Variants in RYR2 observed in about 807,000 individuals in gnomAD.
RYR2 encodes the protein cardiac muscle ryanodine receptor-calcium release channel.
In RYR2, 227 loss-of-function variants were observed where a neutral mutation model predicts 601.1. The observed-to-expected ratio is 0.38, with a 90% confidence interval of 0.34 to 0.42. RYR2 has a LOEUF of 0.42. RYR2 is among the 10% of genes least tolerant of loss of function. RYR2 has a pLI of 1.00. For missense variants in RYR2, 4,646 were observed against 6,156.5 expected (o/e 0.75, Z 8.21); for synonymous variants, 2,223 against 2,175.1 (o/e 1.02, Z -0.61).
chr1:237,273,180 G>C (rs1229159654), intron 2 of RYR2, among the ~76,000 whole-genome samples: 1 of 151,952 alleles, frequency 6.6e-6, no homozygotes, highest in East Asian at 1.9e-4. Context: ...ATATCTGGGG[G>C]TGACAGTGAC....
chr1:237,359,807 G>A (rs1699621802), intron 4 of RYR2, among the ~76,000 whole-genome samples: 1 of 152,138 alleles, frequency 6.6e-6, no homozygotes, highest in African/African-American at 2.4e-5. Flanking sequence ...AAACTCCTGA[G>A]TACTGGATAA....
At chr1:237,379,372 C>A (rs1209210443) in intron 8 of RYR2, among the ~76,000 whole-genome samples, 1 of 152,200 alleles carries the variant, frequency 6.6e-6, no homozygotes, top group Non-Finnish European at 1.5e-5. Flanking sequence ...CTGAGAAAGT[C>A]ATCTAATTCT....
At chr1:237,320,854 A>G (rs1695557880) in intron 2 of RYR2, among the ~76,000 whole-genome samples, 1 of 152,206 alleles carries the variant, frequency 6.6e-6, no homozygotes, top group African/African-American at 2.4e-5. Flanking sequence ...TGAGGCTACC[A>G]GCTTCTAAAA....
intron 14 of RYR2, among the ~76,000 whole-genome samples, chr1:237,451,122 G>A (rs1295765450): frequency 2.0e-5 from 3 of 152,156 alleles, no homozygotes; most frequent in East Asian, 1.9e-4. Context: ...GGCTGGGCAC[G>A]GTAGTGACTC....
At chr1:237,423,746 T>G (rs1705827725) in intron 12 of RYR2, among the ~76,000 whole-genome samples, 2 of 152,172 alleles carry the variant, frequency 1.3e-5, no homozygotes, top group South Asian at 2.1e-4. Flanking sequence ...AAAGATACAT[T>G]TATACATCCA....
chr1:237,729,710 G>T (rs115940546), intron 76 of RYR2, among the ~76,000 whole-genome samples: 2 of 152,000 alleles, frequency 1.3e-5, no homozygotes, highest in East Asian at 3.9e-4. Context: ...TTTCACAGGC[G>T]GCCATTTATG....
At chr1:237,179,646 G>A (rs758652265) in intron 1 of RYR2, among the ~76,000 whole-genome samples, 1 of 152,098 alleles carries the variant, frequency 6.6e-6, no homozygotes, top group Non-Finnish European at 1.5e-5. Flanking sequence ...GCTACATACC[G>A]TCTCTCTGTA....
chr1:237,418,531 A>G (rs1349580982), intron 11 of RYR2, among the ~76,000 whole-genome samples: 1 of 152,224 alleles, frequency 6.6e-6, no homozygotes, highest in East Asian at 1.9e-4. Flanking sequence ...GATGCATAGA[A>G]TATAACTTCC....
chr1:237,646,306 A>G (rs1307160711), intron 48 of RYR2, among the ~76,000 whole-genome samples: 1 of 151,646 alleles, frequency 6.6e-6, no homozygotes, highest in Non-Finnish European at 1.5e-5. Context: ...GTGCCACTGC[A>G]CTCCAGCTTG....
intron 1 of RYR2, among the ~76,000 whole-genome samples, chr1:237,212,693 G>A (rs1558434785): frequency 6.6e-6 from 1 of 152,132 alleles, no homozygotes; most frequent in Non-Finnish European, 1.5e-5. Flanking sequence ...TGCCAAAAAA[G>A]TAATAATACT....
intron 1 of RYR2, among the ~76,000 whole-genome samples, chr1:237,226,226 G>T (rs1462925890): frequency 6.6e-6 from 1 of 152,080 alleles, no homozygotes; most frequent in Non-Finnish European, 1.5e-5. Flanking sequence ...AAATATAGTT[G>T]GATTCCTCTC....
chr1:237,080,771 C>T (rs1375492252), intron 1 of RYR2, among the ~76,000 whole-genome samples: 16 of 93,764 alleles, frequency 1.7e-4, no homozygotes, highest in African/African-American at 5.8e-4. Flanking sequence ...CCAGCCATCC[C>T]ATTACTGGGT....
chr1:237,742,855 C>A (rs1288197780), intron 80 of RYR2, among the ~76,000 whole-genome samples: 1 of 152,182 alleles, frequency 6.6e-6, no homozygotes, highest in Non-Finnish European at 1.5e-5. Context: ...TCCATATATC[C>A]CTAGGACTGT....
At chr1:237,412,106 C>CT (rs1051893135) in intron 10 of RYR2, among the ~76,000 whole-genome samples, 2 of 152,062 alleles carry the variant, frequency 1.3e-5, no homozygotes, top group Non-Finnish European at 2.9e-5. Flanking sequence ...TAAAGATGAG[C>CT]TATCCTAGCT....
At chr1:237,613,152 C>T (rs1205775372) in intron 36 of RYR2, among the ~76,000 whole-genome samples, 1 of 152,114 alleles carries the variant, frequency 6.6e-6, no homozygotes, top group African/African-American at 2.4e-5. Flanking sequence ...ATCTGATGCC[C>T]CAATAACATG....
At chr1:237,776,117 C>T (rs910813942) in intron 87 of RYR2, among the ~76,000 whole-genome samples, 2 of 152,038 alleles carry the variant, frequency 1.3e-5, no homozygotes, top group African/African-American at 4.8e-5. Context: ...GTTTATTTTC[C>T]TAAAAATGGC....
At chr1:237,690,258 G>A (rs750575394) in intron 63 of RYR2, among the ~76,000 whole-genome samples, 11 of 152,164 alleles carry the variant, frequency 7.2e-5, no homozygotes, top group Non-Finnish European at 1.3e-4. Context: ...AGTGGGTTTG[G>A]AATCAGAAAA....
intron 2 of RYR2, among the ~76,000 whole-genome samples, chr1:237,307,713 G>T (rs1694016310): frequency 6.6e-6 from 1 of 152,248 alleles, no homozygotes; most frequent in East Asian, 1.9e-4. Context: ...TATTTATGTA[G>T]ATCCTGAAAA....
At chr1:237,676,819 T>C (rs1253672473) in intron 60 of RYR2, among the ~76,000 whole-genome samples, 1 of 152,164 alleles carries the variant, frequency 6.6e-6, no homozygotes, top group African/African-American at 2.4e-5. Context: ...TTTTCACATT[T>C]TGCACAGAAG....
Sources: allele counts gnomAD v4.1 joint callset (sites outside exome capture counted in the v4.1 genomes callset), GRCh38; gene constraint gnomAD v4.1.1; transcripts MANE v1.5; gene names NCBI Gene and HGNC (gene_info 2026-07-23, HGNC 2026-07-21).